Variants in ZNF829 observed in about 807,000 individuals in gnomAD.
The protein encoded by ZNF829 is zinc finger protein 829.
ZNF829 carries 25 observed loss-of-function variants against 35.2 expected under a neutral mutation model. The ratio of observed to expected loss-of-function variants is 0.71; its 90% CI spans 0.52 to 0.99. ZNF829 has a LOEUF of 0.99. Ranked by LOEUF, ZNF829 falls within the 50% of genes least tolerant of loss-of-function variation. ZNF829 has a pLI of 0.00. For synonymous variants in ZNF829, 136 were observed against 163.2 expected, an observed-to-expected ratio of 0.83 and a Z score of 1.27; for missense variants, 417 against 515.3, an observed-to-expected ratio of 0.81 and a Z score of 1.85.
chr19:36,896,367 G>A (rs1033730012), intron 5 of ZNF829, among the ~76,000 whole-genome samples: 2 of 150,958 alleles, frequency 1.3e-5, no homozygotes, highest in African/African-American at 2.4e-5. Flanking sequence ...CCTGTAATCC[G>A]AGCTACTCAG....
chr19:36,893,730 C>G (rs1419681872), intron 5 of ZNF829, among the ~76,000 whole-genome samples: 2 of 152,288 alleles, frequency 1.3e-5, no homozygotes, highest in East Asian at 3.9e-4. Context: ...ATTGGCCAAA[C>G]TTAGTCTGGG....
intron 5 of ZNF829, among the ~76,000 whole-genome samples, chr19:36,904,601 T>C (rs1029915268): frequency 6.6e-5 from 10 of 152,196 alleles, no homozygotes; most frequent in African/African-American, 1.4e-4. Flanking sequence ...GGTTTTGCCA[T>C]GTTGGCCAGG....
chr19:36,912,305 G>C (rs1185225678), intron 3 of ZNF829, among the ~76,000 whole-genome samples: 1 of 152,146 alleles, frequency 6.6e-6, no homozygotes, highest in Non-Finnish European at 1.5e-5. Flanking sequence ...ATCAAAGAGT[G>C]ATAAAAATTA....
intron 5 of ZNF829, among the ~76,000 whole-genome samples, chr19:36,896,930 G>A (rs1393128629): frequency 1.3e-5 from 2 of 152,134 alleles, no homozygotes; most frequent in Non-Finnish European, 2.9e-5. Flanking sequence ...GCAACTATAT[G>A]CTAACAAATC....
chr19:36,906,652 GTACA>G (rs1285070502), intron 5 of ZNF829: 1 of 151,966 alleles, frequency 6.6e-6, no homozygotes, highest in Non-Finnish European at 1.5e-5. Context: ...AAAGAAATGT[GTACA>G]TACATTTACC....
intron 5 of ZNF829, among the ~76,000 whole-genome samples, chr19:36,898,471 G>A (rs1024691940): frequency 6.6e-6 from 1 of 152,034 alleles, no homozygotes; most frequent in Non-Finnish European, 1.5e-5. Context: ...ATGCAATCCC[G>A]ACTGAAATGC....
At chr19:36,914,344 A>G (rs533351770) in intron 3 of ZNF829, among the ~76,000 whole-genome samples, 20 of 152,332 alleles carry the variant, frequency 1.3e-4, no homozygotes, top group African/African-American at 4.6e-4. Context: ...TCCAGATTAC[A>G]TAAATAACTC....
chr19:36,904,016 T>C (rs569274594), intron 5 of ZNF829, among the ~76,000 whole-genome samples: 1 of 152,320 alleles, frequency 6.6e-6, no homozygotes, highest in South Asian at 2.1e-4. Context: ...CCTAAGTGAC[T>C]ATTATTAAGC....
At position 36,914,986 on chromosome 19, in the gene ZNF829, T is replaced by C; in HGVS notation, c.75A>G (p.Glu25=). 1 of 1,614,082 alleles carries C rather than the reference T, an allele frequency of 6.2e-7. No homozygotes were observed. Among genetic ancestry groups the C allele is most frequent in the Non-Finnish European group, 8.5e-7 (1 of 1,179,994 alleles). The change falls in exon 3 of 6, where the codon GAA becomes GAG. Residue 25 remains glutamate, a synonymous_variant. Transcript: ENST00000391711. ...HPEEEERMHD[E]LLQAVSKGPV... ...ACACCTTGGATACTGCTTGTAGAAG[T>C]TCATCATGCATTCTTTCCTCCTCTT...
intron 5 of ZNF829, among the ~76,000 whole-genome samples, chr19:36,893,278 T>G (rs144958628): frequency 6.6e-6 from 1 of 152,278 alleles, no homozygotes; most frequent in Non-Finnish European, 1.5e-5. Context: ...GGCTAGGAAC[T>G]CACTGAAAAT....
chr19:36,894,264 C>A (rs181348508), intron 5 of ZNF829, among the ~76,000 whole-genome samples: 1 of 152,252 alleles, frequency 6.6e-6, no homozygotes, highest in East Asian at 1.9e-4. Flanking sequence ...AAGCAACCTA[C>A]CCAACCAACA....
At chr19:36,893,140 G>A (rs944230782) in intron 5 of ZNF829, 5 of 395,640 alleles carry the variant, frequency 1.3e-5, no homozygotes, top group African/African-American at 4.1e-5. Context: ...TGTCGGGGGC[G>A]GGTGGAGTTC....
intron 5 of ZNF829, among the ~76,000 whole-genome samples, chr19:36,904,485 C>G (rs1191797733): frequency 6.6e-6 from 1 of 152,092 alleles, no homozygotes; most frequent in Non-Finnish European, 1.5e-5. Context: ...CTGCAACTTC[C>G]ACCTCCTGGG....
chr19:36,901,844 G>A, intron 5 of ZNF829: 1 of 740,882 alleles, frequency 1.3e-6, no homozygotes, highest in Non-Finnish European at 2.5e-6. Flanking sequence ...GCGCATCCAT[G>A]GAGTGGGCTT....
chr19:36,902,452 T>C (rs2073176267), intron 5 of ZNF829, among the ~76,000 whole-genome samples: 1 of 151,262 alleles, frequency 6.6e-6, no homozygotes, highest in Admixed American at 6.6e-5. Context: ...CTGGGTAACA[T>C]GGCAAAATCC....
chr19:36,893,437 T>G (rs1462582826), intron 5 of ZNF829, among the ~76,000 whole-genome samples: 1 of 152,164 alleles, frequency 6.6e-6, no homozygotes, highest in African/African-American at 2.4e-5. Flanking sequence ...AGAATGGAAC[T>G]CCATGTCAAC....
In ZNF829 at chr19:36,892,307, C is replaced by T; in HGVS notation, c.484G>A (p.Gly162Arg). The change falls in exon 6 of 6, where the codon GGA becomes AGA. Residue 162 changes from glycine to arginine, a missense_variant. Physicochemically the swap from Gly to Arg is moderately radical, Grantham distance 125 (BLOSUM62 -2). Transcript: ENST00000391711. ...EEKPWECKIC[G>R]KTFNQNSQFI... is the part of the protein sequence containing the mutation. Reference sequence around the variant, plus strand: ...TGTGAGTTTTGATTAAAGGTCTTTCCACATATCTTACATTCCCATGGTTTC... The same window carrying T: ...TGTGAGTTTTGATTAAAGGTCTTTCTACATATCTTACATTCCCATGGTTTC... The T allele has an allele frequency of 6.2e-7, 1 of 1,613,738 alleles. No homozygotes were observed. The highest frequency in any genetic ancestry group is 8.5e-7 in the Non-Finnish European group (1 of 1,179,954).
intron 5 of ZNF829, among the ~76,000 whole-genome samples, chr19:36,900,458 TAAG>T (rs2073155557): frequency 6.6e-6 from 1 of 151,978 alleles, no homozygotes; most frequent in East Asian, 1.9e-4. Flanking sequence ...TCTCCTGATA[TAAG>T]CATTGCCTGC....
chr19:36,913,528 C>G (rs1035732506), intron 3 of ZNF829, among the ~76,000 whole-genome samples: 3 of 152,086 alleles, frequency 2.0e-5, no homozygotes, highest in Non-Finnish European at 2.9e-5. Flanking sequence ...CCCACTGCCC[C>G]CTCCTGAGAT....
Sources: allele counts gnomAD v4.1 joint callset (sites outside exome capture counted in the v4.1 genomes callset), GRCh38; gene constraint gnomAD v4.1.1; transcripts MANE v1.5; gene names NCBI Gene and HGNC (gene_info 2026-07-23, HGNC 2026-07-21).